PLXNA2: variants seen among roughly 807,000 people sequenced by gnomAD.
The protein encoded by PLXNA2 is plexin A2.
PLXNA2 carries 91 observed loss-of-function variants against 193.5 expected under a neutral mutation model. The observed-to-expected ratio is 0.47, with a 90% CI of 0.40 to 0.56. The LOEUF is 0.56. Among genes scored for constraint, PLXNA2 ranks in the 20% least tolerant of loss-of-function variants. PLXNA2 has a pLI of 0.00. For synonymous variants in PLXNA2, 997 were observed against 1,027.3 expected (o/e 0.97, Z 0.56); for missense variants, 1,995 against 2,503.2 (o/e 0.80, Z 4.33).
intron 3 of PLXNA2, among the ~76,000 whole-genome samples, chr1:208,163,869 C>T (rs377762098): frequency 1.3e-5 from 2 of 152,216 alleles, no homozygotes; most frequent in Non-Finnish European, 2.9e-5. Flanking sequence ...TCCATAAATT[C>T]TTGCTAAATG....
chr1:208,237,394 G>A (rs1671899337), intron 1 of PLXNA2, among the ~76,000 whole-genome samples: 1 of 152,056 alleles, frequency 6.6e-6, no homozygotes, highest in Non-Finnish European at 1.5e-5. Context: ...TATTTCCTGA[G>A]GCACCACACT....
chr1:208,167,986 T>C (rs893945075), intron 3 of PLXNA2, among the ~76,000 whole-genome samples: 1 of 152,186 alleles, frequency 6.6e-6, no homozygotes, highest in Admixed American at 6.5e-5. Context: ...AAAGTGAATG[T>C]GCTATATGCA....
chr1:208,200,847 C>G (rs1480823156), intron 3 of PLXNA2, among the ~76,000 whole-genome samples: 1 of 152,106 alleles, frequency 6.6e-6, no homozygotes, highest in Admixed American at 6.5e-5. Flanking sequence ...CTCAGGCAAT[C>G]TGCCTGCCTC....
intron 3 of PLXNA2, among the ~76,000 whole-genome samples, chr1:208,172,432 C>T (rs539449978): frequency 6.6e-6 from 1 of 152,224 alleles, no homozygotes; most frequent in South Asian, 2.1e-4. Context: ...TCCAAGTTAC[C>T]GCTGCCCCCT....
chr1:208,217,071 G>C lies in PLXNA2; in HGVS notation c.852C>G (p.Cys284Trp), dbSNP rs1270066084. The C allele has an allele frequency of 6.2e-7, 1 of 1,614,046 alleles. No homozygotes were observed. The highest frequency in any genetic ancestry group is 8.5e-7 in the Non-Finnish European group (1 of 1,179,898). Residue 284 changes from cysteine to tryptophan, a missense_variant, in exon 2 of 32, where the codon TGC becomes TGG. Transcript: ENST00000367033. The surrounding 1 kb of genome is among the most constrained non-coding windows in gnomAD (Gnocchi z 4.7). ...ATGAGTGGAACTTGGGGTCATCCTT[G>C]CAGAGCCGCACGATGCGTGAGGTGT... ...LFYTSRIVRL[C>W]KDDPKFHSYV...
chr1:208,201,306 A>C (rs906030245), intron 3 of PLXNA2, among the ~76,000 whole-genome samples: 1 of 152,204 alleles, frequency 6.6e-6, no homozygotes, highest in South Asian at 2.1e-4. Flanking sequence ...AATTCTGCGA[A>C]GCTACAACAG....
At chr1:208,055,699 AC>A (rs1272516583) in intron 13 of PLXNA2, among the ~76,000 whole-genome samples, 1 of 152,178 alleles carries the variant, frequency 6.6e-6, no homozygotes, top group Non-Finnish European at 1.5e-5. Flanking sequence ...GCTTATCTCA[AC>A]AGCTTCTCTA....
Position 208,183,092 on chromosome 1 carries a change from C to T in PLXNA2, c.1371+27188G>A, listed in dbSNP as rs112978795. 3.6e-3 allele frequency among the ~76,000 whole-genome samples: 550 copies of T among 152,250 alleles called. 3 individuals carry two copies. The highest frequency in any genetic ancestry group is 0.013 in the African/African-American group (521 of 41,552). ...GGGAGGGAAAGTTCCTCTGGGGCTC[C>T]CCCTTCGTCTAGGGGAGAGGTCAGA... On this transcript the variant is annotated intron_variant, in intron 3 of 31. Transcript: ENST00000367033.
rs142090374 is a variant in PLXNA2, at chr1:208,138,367, A to G, written c.1506+3962T>C. ...TAAGTGTTCTGAGCATGTTTAAGGT[A>G]GGTGAGGCTAAGCTATGAGCTTGGG... is the stretch of plus-strand genomic sequence containing the variant. On this transcript the variant is annotated intron_variant, in intron 4 of 31. Coordinates refer to ENST00000367033, the MANE Select transcript of PLXNA2 (RefSeq NM_025179.4). Among the ~76,000 whole-genome samples, 41 of 152,366 alleles carry G rather than the reference A, an allele frequency of 2.7e-4. No homozygotes were observed. In the South Asian group the frequency reaches 5.8e-3, roughly 22 times the overall value.
intron 3 of PLXNA2, among the ~76,000 whole-genome samples, chr1:208,207,203 A>C (rs921961191): frequency 6.6e-5 from 10 of 152,242 alleles, no homozygotes; most frequent in African/African-American, 2.4e-4. Context: ...ACGGGGTTTC[A>C]CCATGTTGGC....
chr1:208,232,852 T>C (rs1671730908), intron 1 of PLXNA2, among the ~76,000 whole-genome samples: 2 of 152,170 alleles, frequency 1.3e-5, no homozygotes, highest in Admixed American at 6.5e-5. Flanking sequence ...TGGAATTCAA[T>C]TGTATGGACC....
intron 5 of PLXNA2, among the ~76,000 whole-genome samples, chr1:208,102,925 G>A (rs1237501428): frequency 6.6e-6 from 1 of 152,208 alleles, no homozygotes; most frequent in Non-Finnish European, 1.5e-5. Context: ...GGCTGAATTT[G>A]GAAGTAAAAT....
rs1184016191 is a variant in PLXNA2 at position 208,023,881 on chromosome 1, G to A, written c.*3362C>T. 1.3e-5 allele frequency: 2 copies of A among 152,324 alleles called. No individual in the cohort carries two copies. The highest frequency in any genetic ancestry group is 4.8e-5 in the African/African-American group (2 of 41,464). The allele number at this position is 152,324 out of a possible 1,614,324, so 9.4% of individuals were successfully genotyped here. A position where few individuals can be genotyped will look rare whatever the true frequency, so the allele number is the denominator to read the frequency against. ...GCAGGAAACAGTTCCCTCCTCCAATGAGATTAACAGCTGATCCATGCTTTT... is the reference window on the plus strand; with the variant it reads ...GCAGGAAACAGTTCCCTCCTCCAATAAGATTAACAGCTGATCCATGCTTTT... On this transcript the variant is annotated 3_prime_UTR_variant, in exon 32 of 32. Coordinates refer to ENST00000367033, the MANE Select transcript of PLXNA2 (RefSeq NM_025179.4).
chr1:208,208,306 G>A (rs1422000132), intron 3 of PLXNA2, among the ~76,000 whole-genome samples: 5 of 152,150 alleles, frequency 3.3e-5, no homozygotes, highest in Non-Finnish European at 7.3e-5. Context: ...CCCTCCCTGG[G>A]CTCTAGAGCT....
intron 4 of PLXNA2, 136 bp downstream of exon 4, chr1:208,142,193 A>C (rs547311183): frequency 1.1e-5 from 10 of 937,332 alleles, no homozygotes; most frequent in Non-Finnish European, 1.1e-5. Context: ...GCCTACAGGC[A>C]CTCTGCCTCT....
intron 13 of PLXNA2, among the ~76,000 whole-genome samples, chr1:208,057,672 G>A (rs1310634215): frequency 6.6e-6 from 1 of 152,076 alleles, no homozygotes; most frequent in Non-Finnish European, 1.5e-5. Context: ...GTGGCTCTGG[G>A]GTCCCTATGT....
At chr1:208,103,046 G>C (rs1667145491) in intron 5 of PLXNA2, 101 bp downstream of exon 5, 16 of 642,688 alleles carry the variant, frequency 2.5e-5, no homozygotes, top group Non-Finnish European at 4.2e-5. Context: ...GCTCTGAAGA[G>C]GACAATTCCT....
rs541421597 is a variant in PLXNA2 at position 208,087,494 on chromosome 1, G to T, written c.2098-2914C>A. Among the ~76,000 whole-genome samples, 29 of 151,986 alleles carry T rather than the reference G, an allele frequency of 1.9e-4. 1 individual carries two copies. In the East Asian group the frequency reaches 2.7e-3, roughly 14 times the overall value. On this transcript the variant is annotated intron_variant, in intron 9 of 31. Coordinates refer to ENST00000367033, the MANE Select transcript of PLXNA2 (RefSeq NM_025179.4). ...AATCAAATGTAAGGGTAACAATTAG[G>T]GTCTTCCCAAATGCTGAACCAGGCC...
chr1:208,166,359 G>GC (rs1669308519), intron 3 of PLXNA2, among the ~76,000 whole-genome samples: 1 of 152,184 alleles, frequency 6.6e-6, no homozygotes. Context: ...AGCAGGCTCA[G>GC]CCCACTGAGC....
Sources: gnomAD v4.1 joint callset for allele counts (sites outside exome capture counted in the v4.1 genomes callset) on GRCh38, gnomAD v4.1.1 for gene constraint, Gnocchi (gnomAD v3.1) non-coding constraint, MANE v1.5 for transcripts, NCBI Gene and HGNC (gene_info 2026-07-23, HGNC 2026-07-21) for gene names.